STT3B: variants seen among roughly 807,000 people sequenced by gnomAD.
STT3B encodes dolichyl-diphosphooligosaccharide--protein glycosyltransferase subunit STT3B.
A neutral mutation model predicts 96.8 loss-of-function variants in STT3B; 29 were observed. That is an observed-to-expected ratio of 0.30 (90% CI 0.22 to 0.41). STT3B has a LOEUF of 0.41. Among genes scored for constraint, STT3B ranks in the 10% least tolerant of loss-of-function variants. The pLI is 1.00. For missense variants in STT3B, 640 were observed against 1,022.3 expected (o/e 0.63, Z 5.10); for synonymous variants, 367 against 360.0 (o/e 1.02, Z -0.22).
intron 9 of STT3B, among the ~76,000 whole-genome samples, 154 bp from the exon 10 acceptor site, chr3:31,621,943 T>A (rs1469161710): frequency 6.6e-6 from 1 of 152,224 alleles, no homozygotes; most frequent in Admixed American, 6.5e-5. Flanking sequence ...TGTGGCTAAT[T>A]AATCAGTTGT....
chr3:31,616,844 A>T, intron 6 of STT3B, 85 bp from the exon 7 acceptor site: 1 of 1,229,534 alleles, frequency 8.1e-7, no homozygotes, highest in Non-Finnish European at 1.1e-6. Context: ...GGTGCAGGAC[A>T]TTCTAAGAAG....
intron 1 of STT3B, among the ~76,000 whole-genome samples, chr3:31,542,500 A>G (rs1354972473): frequency 1.3e-5 from 2 of 152,164 alleles, no homozygotes; most frequent in Admixed American, 6.5e-5. Context: ...TAAATCTAGG[A>G]CTGTCTTTCT....
chr3:31,569,463 A>G (rs1036371469), intron 1 of STT3B, among the ~76,000 whole-genome samples: 3 of 152,184 alleles, frequency 2.0e-5, no homozygotes, highest in African/African-American at 7.2e-5. Flanking sequence ...TAGCTCTAAA[A>G]ATCAGGTTAA....
At chr3:31,534,900 A>G (rs1697048879) in intron 1 of STT3B, among the ~76,000 whole-genome samples, 1 of 152,226 alleles carries the variant, frequency 6.6e-6, no homozygotes, top group South Asian at 2.1e-4. Context: ...AATACCTGTG[A>G]AGGCTTATTG....
chr3:31,568,991 T>G (rs1479847607), intron 1 of STT3B, among the ~76,000 whole-genome samples: 2 of 152,150 alleles, frequency 1.3e-5, no homozygotes, highest in Non-Finnish European at 2.9e-5. Flanking sequence ...CTGAGTTTTC[T>G]TTTCTTTACT....
At chr3:31,576,688 A>C (rs1698272446) in intron 2 of STT3B, among the ~76,000 whole-genome samples, 184 bp downstream of exon 2, 1 of 152,064 alleles carries the variant, frequency 6.6e-6, no homozygotes, top group South Asian at 2.1e-4. Flanking sequence ...CTTAATCCCC[A>C]ACCTGTTTTT....
chr3:31,562,478 G>T (rs1015355096), intron 1 of STT3B, among the ~76,000 whole-genome samples: 2 of 152,136 alleles, frequency 1.3e-5, no homozygotes, highest in Admixed American at 6.5e-5. Flanking sequence ...CTTTGGTGGG[G>T]GTATGGAGCT....
At chr3:31,592,442 G>T (rs1478729511) in intron 3 of STT3B, among the ~76,000 whole-genome samples, 1 of 152,170 alleles carries the variant, frequency 6.6e-6, no homozygotes, top group Admixed American at 6.6e-5. Flanking sequence ...ATTATTGTGA[G>T]TATATACCTT....
chr3:31,621,637 G>A (rs1268533118), intron 9 of STT3B, among the ~76,000 whole-genome samples: 1 of 152,102 alleles, frequency 6.6e-6, no homozygotes, highest in Non-Finnish European at 1.5e-5. Context: ...AACTTTGCAG[G>A]TTCCTCCTTT....
At chr3:31,559,066 A>AG (rs1320652230) in intron 1 of STT3B, among the ~76,000 whole-genome samples, 2 of 146,974 alleles carry the variant, frequency 1.4e-5, no homozygotes, top group Non-Finnish European at 3.0e-5. Flanking sequence ...TGGTTAGTCT[A>AG]GGAAGTGCCT....
chr3:31,545,685 C>T (rs1465169142), intron 1 of STT3B, among the ~76,000 whole-genome samples: 1 of 152,060 alleles, frequency 6.6e-6, no homozygotes, highest in Non-Finnish European at 1.5e-5. Context: ...TTAACGTTTC[C>T]ATTGCTATCT....
intron 1 of STT3B, among the ~76,000 whole-genome samples, chr3:31,575,253 A>G (rs898713781): frequency 4.6e-5 from 7 of 152,134 alleles, no homozygotes; most frequent in Admixed American, 4.6e-4. Flanking sequence ...ATGCAGTATG[A>G]TGCTAGAACC....
intron 1 of STT3B, among the ~76,000 whole-genome samples, chr3:31,562,562 G>T (rs1697906211): frequency 6.6e-6 from 1 of 152,148 alleles, no homozygotes; most frequent in Admixed American, 6.5e-5. Context: ...TGCTCAGGAG[G>T]GGCCAGCAGC....
At chr3:31,540,024 C>G (rs146912124) in intron 1 of STT3B, among the ~76,000 whole-genome samples, 1 of 152,090 alleles carries the variant, frequency 6.6e-6, no homozygotes, top group South Asian at 2.1e-4. Flanking sequence ...TAAGGTGATA[C>G]AATTATAGCT....
intron 5 of STT3B, among the ~76,000 whole-genome samples, chr3:31,613,811 T>G (rs1699240472): frequency 6.6e-6 from 1 of 152,042 alleles, no homozygotes; most frequent in African/African-American, 2.4e-5. Flanking sequence ...CATTTGGGTT[T>G]GGGTACGTCA....
Position 31,582,815 on chromosome 3 carries a change from T to C in STT3B, c.711+2719T>C, listed in dbSNP as rs140487975. 3.9e-4 allele frequency among the ~76,000 whole-genome samples: 59 copies of C among 152,350 alleles called. No individual in the cohort carries two copies. The East Asian group carries it at 9.3e-3, about 24-fold the overall frequency. On this transcript the variant is annotated intron_variant, in intron 3 of 15. Coordinates refer to ENST00000295770, the MANE Select transcript of STT3B (RefSeq NM_178862.3). ...TTTGATCTGTTGGTAAGTATCTTGT[T>C]TAACTTCCACAAATTTATTTCCCAG...
chr3:31,549,104 G>A (rs912867114), intron 1 of STT3B, among the ~76,000 whole-genome samples: 1 of 151,950 alleles, frequency 6.6e-6, no homozygotes, highest in African/African-American at 2.4e-5. Context: ...TGTTTTATTT[G>A]ATAGATGAGG....
rs958449670 is a variant in STT3B at position 31,555,274 on chromosome 3, T to C, written c.315-21122T>C. ...TCACTTACTCTGTGCTGCCTCTATT[T>C]CAAATCCTCTTGTTATTCTTGAGGT... On this transcript the variant is annotated intron_variant, in intron 1 of 15. Transcript: ENST00000295770. Among the ~76,000 whole-genome samples the C allele has an allele frequency of 5.3e-5, 8 of 152,302 alleles. No homozygotes were observed. In the East Asian group the frequency reaches 1.5e-3, roughly 29 times the overall value.
chr3:31,533,091 C>A lies in STT3B; in HGVS notation c.93C>A (p.His31Gln), dbSNP rs1415821617. 2 of 1,520,028 alleles carry A rather than the reference C, an allele frequency of 1.3e-6. No individual in the cohort carries two copies. 94.2% of individuals were successfully genotyped at this position (1,520,028 alleles called of 1,614,324 possible). ...SGLMALGNSRHGHHGPGAQCA... is the reference protein window; with the variant it reads ...SGLMALGNSRQGHHGPGAQCA... ...TCATGGCCCTGGGAAACAGCCGGCA[C>A]GGCCACCACGGGCCCGGGGCCCAGT... is the stretch of plus-strand genomic sequence containing the variant. The change falls in exon 1 of 16, where the codon CAC becomes CAA. Residue 31 changes from histidine (H) to glutamine (Q), a missense_variant. This residue lies in a region of STT3B where 89 missense variants were observed against 81.7 expected (regional missense o/e 1.09). Coordinates refer to ENST00000295770, the MANE Select transcript of STT3B (RefSeq NM_178862.3).
Sources: gnomAD v4.1 joint callset for allele counts (sites outside exome capture counted in the v4.1 genomes callset) on GRCh38, gnomAD v4.1.1 for gene constraint, gnomAD v4.1.1 regional missense constraint, MANE v1.5 for transcripts, NCBI Gene and HGNC (gene_info 2026-07-23, HGNC 2026-07-21) for gene names.